Variants in STAM observed in about 807,000 individuals in gnomAD.
The protein encoded by STAM is signal transducing adaptor molecule, also known as signal transducing adapter molecule 1.
Under a neutral mutation model 63.4 loss-of-function variants are expected in STAM, and 16 were observed. The observed-to-expected ratio is 0.25, with a 90% CI of 0.17 to 0.38. The LOEUF (loss-of-function observed/expected upper bound fraction) is 0.38, where lower values mean the gene tolerates loss of function less well. Ranked by LOEUF, STAM falls within the 10% of genes least tolerant of loss-of-function variation. The pLI is 1.00. For missense variants in STAM, 636 were observed against 657.1 expected (o/e 0.97, Z 0.35); for synonymous variants, 238 against 223.9 (o/e 1.06, Z -0.56).
intron 5 of STAM, among the ~76,000 whole-genome samples, chr10:17,692,361 C>G (rs4748400): frequency 0.097 from 14,804 of 152,190 alleles, 779 homozygotes; most frequent in Middle Eastern, 0.15. Flanking sequence ...CTGATGTGTT[C>G]AAACTCAAAA....
rs560503494 is a variant in STAM, at chr10:17,660,049, C to A, written c.41-415C>A. ...TCCTTCAGTCCCCTCTCCATATTATCAAAAAAAAAATCCACAAAACTAGCT... is the reference window on the plus strand; with the variant it reads ...TCCTTCAGTCCCCTCTCCATATTATAAAAAAAAAAATCCACAAAACTAGCT... On this transcript the variant is annotated intron_variant, in intron 1 of 13. Coordinates refer to ENST00000377524, the MANE Select transcript of STAM (RefSeq NM_003473.4). Among the ~76,000 whole-genome samples the A allele has an allele frequency of 5.4e-3, 804 of 148,730 alleles. 13 individuals carry two copies. The highest frequency in any genetic ancestry group is 0.019 in the African/African-American group (777 of 40,778).
intron 1 of STAM, among the ~76,000 whole-genome samples, chr10:17,650,909 C>CA (rs1833713607): frequency 6.6e-6 from 1 of 151,670 alleles, no homozygotes; most frequent in Non-Finnish European, 1.5e-5. Flanking sequence ...ACTAAAAATA[C>CA]AAAAAATTAG....
chr10:17,703,022 A>AG (rs1269042653), intron 9 of STAM, among the ~76,000 whole-genome samples: 2 of 120,532 alleles, frequency 1.7e-5, no homozygotes. Context: ...AAAAAAAAAA[A>AG]AAAAAGAAAA....
intron 11 of STAM, 71 bp downstream of exon 11, chr10:17,705,095 C>A: frequency 7.7e-7 from 1 of 1,305,984 alleles, no homozygotes; most frequent in Non-Finnish European, 1.1e-6. Flanking sequence ...GCAAAGTGGG[C>A]TATAACTGCC....
At chr10:17,700,859 A>C (rs1835964830) in intron 9 of STAM, among the ~76,000 whole-genome samples, 1 of 152,218 alleles carries the variant, frequency 6.6e-6, no homozygotes, top group Non-Finnish European at 1.5e-5. Context: ...TGTAAAAATA[A>C]AATTGTCATT....
At chr10:17,673,410 G>T (rs535604667) in intron 2 of STAM, among the ~76,000 whole-genome samples, 1 of 152,288 alleles carries the variant, frequency 6.6e-6, no homozygotes, top group Admixed American at 6.5e-5. Context: ...GTTTTGCTCA[G>T]TGACTTTTTT....
chr10:17,694,986 C>T, intron 6 of STAM, 63 bp from the exon 7 acceptor site: 1 of 1,475,446 alleles, frequency 6.8e-7, no homozygotes, highest in Non-Finnish European at 9.2e-7. Context: ...ATGTCTTTTT[C>T]TACTTCTTCA....
intron 1 of STAM, among the ~76,000 whole-genome samples, chr10:17,644,919 T>G (rs985568647): frequency 6.6e-6 from 1 of 152,200 alleles, no homozygotes. Context: ...ATGAAATACT[T>G]GGCAACGACT....
At chr10:17,676,950 CTG>C (rs1834882275) in intron 2 of STAM, among the ~76,000 whole-genome samples, 1 of 151,916 alleles carries the variant, frequency 6.6e-6, no homozygotes, top group Non-Finnish European at 1.5e-5. Flanking sequence ...ATACTAAAAA[CTG>C]AATTAAAAAT....
chr10:17,672,497 G>A (rs1263998416), intron 2 of STAM, among the ~76,000 whole-genome samples: 1 of 152,066 alleles, frequency 6.6e-6, no homozygotes, highest in Non-Finnish European at 1.5e-5. Flanking sequence ...TTCATTTAGT[G>A]AGCTTGTATG....
chr10:17,688,252 A>T, intron 5 of STAM, 79 bp downstream of exon 5: 1 of 1,335,826 alleles, frequency 7.5e-7, no homozygotes. Context: ...TTTTTTCTTC[A>T]TTCCCAGGTA....
chr10:17,684,733 G>C lies in STAM; in HGVS notation c.184G>C (p.Ala62Pro). 1 of 1,614,030 alleles carries C rather than the reference G, an allele frequency of 6.2e-7. No homozygotes were observed. The highest frequency in any genetic ancestry group is 8.5e-7 in the Non-Finnish European group (1 of 1,179,982). The change falls in exon 3 of 14, where the codon GCT becomes CCT. Residue 62 changes from alanine (A) to proline (P), a missense_variant. Ala to Pro is a conservative substitution (Grantham distance 27). Coordinates refer to ENST00000377524, the MANE Select transcript of STAM (RefSeq NM_003473.4). The stretch of plus-strand genomic sequence containing the variant: ...AGTGAACCACAAAGATCCTCACGTT[G>C]CTATGCAGGCTTTGACTGTGAGTGG... ...RRVNHKDPHV[A>P]MQALTLLGAC... is the part of the protein sequence containing the mutation.
chr10:17,695,528 G>A (rs567244306), intron 7 of STAM, among the ~76,000 whole-genome samples: 1 of 151,994 alleles, frequency 6.6e-6, no homozygotes, highest in Non-Finnish European at 1.5e-5. Context: ...TATTTAAAAG[G>A]TTACAGTTTT....
intron 1 of STAM, 90 bp from the exon 2 acceptor site, chr10:17,660,374 T>G (rs1834116614): frequency 1.2e-6 from 1 of 823,532 alleles, no homozygotes; most frequent in Admixed American, 2.8e-5. Context: ...TAAGACTTGA[T>G]TATACTATAG....
chr10:17,710,474 A>G (rs1387119549), intron 13 of STAM, among the ~76,000 whole-genome samples: 2 of 152,190 alleles, frequency 1.3e-5, no homozygotes, highest in African/African-American at 4.8e-5. Flanking sequence ...CTTTTGAAGA[A>G]CATTTTCTTG....
At chr10:17,672,951 A>G (rs1195272130) in intron 2 of STAM, 66 of 856,624 alleles carry the variant, frequency 7.7e-5, no homozygotes, top group Middle Eastern at 5.8e-4. Flanking sequence ...CCTGACCCCT[A>G]TCTTTTTCTT....
intron 1 of STAM, among the ~76,000 whole-genome samples, chr10:17,647,637 A>G (rs768625612): frequency 1.1e-4 from 16 of 152,120 alleles, no homozygotes; most frequent in Non-Finnish European, 8.8e-5. Context: ...AGTTGCTTAG[A>G]TAATCTGTGT....
At chr10:17,653,856 A>G (rs1032735767) in intron 1 of STAM, among the ~76,000 whole-genome samples, 10 of 152,204 alleles carry the variant, frequency 6.6e-5, no homozygotes, top group Admixed American at 5.9e-4. Flanking sequence ...ATGTATACCA[A>G]GAGACAACTG....
intron 6 of STAM, among the ~76,000 whole-genome samples, 182 bp downstream of exon 6, chr10:17,693,494 T>C (rs1835631600): frequency 6.6e-6 from 1 of 152,250 alleles, no homozygotes; most frequent in South Asian, 2.1e-4. Flanking sequence ...TTTCAGTCTA[T>C]GTTTTTATGA....
Sources: allele counts gnomAD v4.1 joint callset (sites outside exome capture counted in the v4.1 genomes callset), GRCh38; gene constraint gnomAD v4.1.1; transcripts MANE v1.5; gene names NCBI Gene and HGNC (gene_info 2026-07-23, HGNC 2026-07-21).